The following PIK3R3 variants were observed in gnomAD, a reference collection of about 807,000 sequenced individuals.
PIK3R3 encodes the protein phosphoinositide-3-kinase regulatory subunit 3.
PIK3R3 carries 64 observed loss-of-function variants against 62.9 expected under a neutral mutation model. The ratio of observed to expected loss-of-function variants is 1.02; its 90% CI spans 0.83 to 1.25. The LOEUF (loss-of-function observed/expected upper bound fraction) is 1.25. Ranked by LOEUF, PIK3R3 falls within the 50% of genes most tolerant of loss-of-function variation. The pLI is 0.00. For synonymous variants in PIK3R3, 165 were observed against 189.0 expected, an observed-to-expected ratio of 0.87 and a Z score of 1.04; for missense variants, 614 against 561.6, an observed-to-expected ratio of 1.09 and a Z score of -0.94.
Position 46,044,028 on chromosome 1 carries a change from G to C in PIK3R3, c.1188-157C>G, listed in dbSNP as rs1647048520. Among the ~76,000 whole-genome samples the C allele has an allele frequency of 6.6e-6, 1 of 152,042 alleles. No homozygotes were observed. The highest frequency in any genetic ancestry group is 2.4e-5 in the African/African-American group (1 of 41,402). ...TTGCGTTCCCATTCCCTACAGACTT[G>C]GCCACAGATACGGGTGTTAAAACAA... On this transcript the variant is annotated intron_variant, in intron 9 of 9. Coordinates refer to ENST00000262741, the MANE Select transcript of PIK3R3 (RefSeq NM_003629.4). This position sits in a 1 kb window ranked among gnomAD's most constrained non-coding sequence, Gnocchi z 4.2.
intron 3 of PIK3R3, among the ~76,000 whole-genome samples, chr1:46,075,822 G>A (rs1199510985): frequency 6.6e-6 from 1 of 152,112 alleles, no homozygotes; most frequent in African/African-American, 2.4e-5. Flanking sequence ...CCAGTAGTGT[G>A]GCTCAGTCCA....
chr1:46,121,048 A>G (rs1654634482), intron 1 of PIK3R3, among the ~76,000 whole-genome samples: 1 of 152,224 alleles, frequency 6.6e-6, no homozygotes, highest in African/African-American at 2.4e-5. Flanking sequence ...AGCCAGTCCC[A>G]AGGATGGCAG....
intron 2 of PIK3R3, among the ~76,000 whole-genome samples, chr1:46,078,907 A>C (rs1432066578): frequency 6.6e-6 from 1 of 152,232 alleles, no homozygotes; most frequent in African/African-American, 2.4e-5. Context: ...ACACTTATGC[A>C]AAGTACCTAC....
At chr1:46,135,684 G>A (rs930172548), upstream of PIK3R3, among the ~76,000 whole-genome samples, 3 of 152,154 alleles carry the variant, frequency 2.0e-5, no homozygotes, top group Admixed American at 6.5e-5. Context: ...AACTCAGCCA[G>A]AAGTTCTTCG....
At chr1:46,089,301 T>G (rs1571459544) in intron 1 of PIK3R3, among the ~76,000 whole-genome samples, 2 of 152,290 alleles carry the variant, frequency 1.3e-5, no homozygotes, top group Admixed American at 6.5e-5. Flanking sequence ...TTAGAGGGTA[T>G]GTTTAAGAAA....
At chr1:46,147,820 A>G in the PIK3R3 span, among the ~76,000 whole-genome samples, 1 of 152,188 alleles carries the variant, frequency 6.6e-6, no homozygotes, top group Non-Finnish European at 1.5e-5. Flanking sequence ...CTTTTCTAAC[A>G]TGATGCCTTC....
rs138055611 is a variant in PIK3R3, at chr1:46,132,581, G to A, written c.-629C>T. The A allele has an allele frequency of 1.6e-3, 2,072 of 1,287,186 alleles. 29 individuals are homozygous for A. In the African/African-American group the frequency reaches 0.027, roughly 17 times the overall value. 79.7% of individuals were successfully genotyped at this position (1,287,186 alleles called of 1,614,324 possible). ...CTCGGCTTGTCTGGGCGCTCCCGCC[G>A]GGGTGTAAGAACCAACCCGACCGCA... On this transcript the variant is annotated 5_prime_UTR_variant, in exon 1 of 10. Coordinates refer to ENST00000262741, the MANE Select transcript of PIK3R3 (RefSeq NM_003629.4).
chr1:46,068,177 C>A (rs866549467), intron 3 of PIK3R3, among the ~76,000 whole-genome samples: 1 of 152,170 alleles, frequency 6.6e-6, no homozygotes, highest in Non-Finnish European at 1.5e-5. Flanking sequence ...TAAATTATTT[C>A]TATTAAATAT....
chr1:46,114,336 A>C (rs2149458954), intron 1 of PIK3R3, among the ~76,000 whole-genome samples: 1 of 152,328 alleles, frequency 6.6e-6, no homozygotes, highest in South Asian at 2.1e-4. Flanking sequence ...ATGCAAAAAA[A>C]CCAGCAGTCC....
At chr1:46,095,583 T>C (rs1652042580) in intron 1 of PIK3R3, among the ~76,000 whole-genome samples, 3 of 152,150 alleles carry the variant, frequency 2.0e-5, no homozygotes, top group Admixed American at 1.3e-4. Context: ...GATGGGATGA[T>C]CTGTGTAGCA....
At chr1:46,164,015 C>T in the PIK3R3 span, among the ~76,000 whole-genome samples, 2 of 152,170 alleles carry the variant, frequency 1.3e-5, no homozygotes. Context: ...CCCCCTACCT[C>T]TAAGGCCTTG....
At chr1:46,127,612 C>T (rs1244693668) in intron 1 of PIK3R3, among the ~76,000 whole-genome samples, 2 of 152,082 alleles carry the variant, frequency 1.3e-5, no homozygotes, top group Non-Finnish European at 2.9e-5. Flanking sequence ...TTTGAGAGGC[C>T]TCTATCCAGC....
Position 46,067,253 on chromosome 1 carries a change from CATAT to C in PIK3R3, c.315-166_315-163del, listed in dbSNP as rs71307629. ...AAAGGCATGTTATTCTGTGTGTGAACATATATATATATATATATATATATAATTC... is the reference window on the plus strand; with the variant it reads ...AAAGGCATGTTATTCTGTGTGTGAACATATATATATATATATATATAATTC... On this transcript the variant is annotated intron_variant, in intron 3 of 9. Transcript: ENST00000262741. 8.7e-4 allele frequency among the ~76,000 whole-genome samples: 114 copies of C among 130,356 alleles called. 1 individual carries two copies. Among genetic ancestry groups the C allele is most frequent in the African/African-American group, 2.7e-3 (98 of 35,806 alleles). 85.5% of individuals were successfully genotyped at this position (130,356 alleles called of 152,430 possible).
At chr1:46,141,380 A>C in the PIK3R3 span, among the ~76,000 whole-genome samples, 1 of 151,782 alleles carries the variant, frequency 6.6e-6, no homozygotes, top group African/African-American at 2.4e-5. Context: ...CAAGCAATTC[A>C]TTGCCTCAGC....
At chr1:46,100,729 C>G (rs904280709) in intron 1 of PIK3R3, among the ~76,000 whole-genome samples, 8 of 152,164 alleles carry the variant, frequency 5.3e-5, no homozygotes, top group African/African-American at 1.9e-4. Flanking sequence ...GTCTTCCTAT[C>G]AGTTAATATG....
rs554079868 is a variant in PIK3R3 at position 46,089,714 on chromosome 1, CAAAAAAAAAA to C, written c.107-8974_107-8965del. The stretch of plus-strand genomic sequence containing the variant: ...TAGGCAACAGAGTGAGACTCCATCT[CAAAAAAAAAA>C]AAAAAAGAAAGGATGCAATTATAGT... On this transcript the variant is annotated intron_variant, in intron 1 of 9. Transcript: ENST00000262741. Among the ~76,000 whole-genome samples, 27 of 63,238 alleles carry C rather than the reference CAAAAAAAAAA, an allele frequency of 4.3e-4. No individual in the cohort carries two copies. In the South Asian group the frequency reaches 0.012, roughly 28 times the overall value. The allele number at this position is 63,238 out of a possible 152,430, so 41.5% of individuals were successfully genotyped here. A position where few individuals can be genotyped will look rare whatever the true frequency, so the allele number is the denominator to read the frequency against.
chr1:46,078,193 A>T (rs188121968), intron 2 of PIK3R3, among the ~76,000 whole-genome samples: 1,799 of 152,292 alleles, frequency 0.012, 28 homozygotes, highest in African/African-American at 0.038. Flanking sequence ...CTTAAAATTT[A>T]AAAAAAGACT....
At chr1:46,119,712 C>G (rs1654491663) in intron 1 of PIK3R3, among the ~76,000 whole-genome samples, 1 of 151,918 alleles carries the variant, frequency 6.6e-6, no homozygotes, top group Non-Finnish European at 1.5e-5. Context: ...TCAAGCAAAA[C>G]TCCACCTTGG....
rs1013267928 is a variant in PIK3R3, at chr1:46,083,807, T to C, written c.107-3057A>G. On this transcript the variant is annotated intron_variant, in intron 1 of 9. Coordinates refer to ENST00000262741, the MANE Select transcript of PIK3R3 (RefSeq NM_003629.4). ...AAGTGTTGGTGAGGATGTAGAGAAA[T>C]TGGAATACTCATAGACTGCTGGTGG... is the stretch of plus-strand genomic sequence containing the variant. Among the ~76,000 whole-genome samples the C allele has an allele frequency of 4.6e-5, 7 of 152,218 alleles. No individual in the cohort carries two copies. In the East Asian group the frequency reaches 7.7e-4, roughly 17 times the overall value.
Sources: allele counts gnomAD v4.1 joint callset (sites outside exome capture counted in the v4.1 genomes callset), GRCh38; gene constraint gnomAD v4.1.1; non-coding constraint Gnocchi (gnomAD v3.1); transcripts MANE v1.5; gene names NCBI Gene and HGNC (gene_info 2026-07-23, HGNC 2026-07-21).